Variants in HPSE2 observed in about 807,000 individuals in gnomAD.
HPSE2 encodes the protein heparanase 2 (inactive).
A neutral mutation model predicts 60.5 loss-of-function variants in HPSE2; 38 were observed. The observed-to-expected ratio is 0.63, with a 90% confidence interval of 0.48 to 0.82. The LOEUF (loss-of-function observed/expected upper bound fraction) is 0.82. Ranked by LOEUF, HPSE2 falls within the 40% of genes least tolerant of loss-of-function variation. The pLI, the probability that HPSE2 is intolerant of heterozygous loss-of-function variation, is 0.00. For synonymous variants in HPSE2, 295 were observed against 293.2 expected, an observed-to-expected ratio of 1.01 and a Z score of -0.06; for missense variants, 713 against 740.4, an observed-to-expected ratio of 0.96 and a Z score of 0.43.
At chr10:98,508,134 CA>C (rs1564927152) in intron 9 of HPSE2, among the ~76,000 whole-genome samples, 1 of 152,108 alleles carries the variant, frequency 6.6e-6, no homozygotes, top group Non-Finnish European at 1.5e-5. Flanking sequence ...GAGACACAGA[CA>C]GACATTCTTT....
chr10:98,609,818 G>A lies in HPSE2; in HGVS notation c.1320+5086C>T, dbSNP rs146473739. Among the ~76,000 whole-genome samples the A allele has an allele frequency of 6.3e-3, 944 of 150,186 alleles. 6 individuals carry two copies. Among genetic ancestry groups the A allele is most frequent in the African/African-American group, 0.022 (903 of 40,430 alleles). On this transcript the variant is annotated intron_variant, in intron 9 of 11. Coordinates refer to ENST00000370552, the MANE Select transcript of HPSE2 (RefSeq NM_021828.5). ...TGTTTCCTATGATGCCTTCTAATTA[G>A]GTGGTGTTCTTCTTCTTCTTCTTTT...
chr10:98,800,590 T>C (rs959481380), intron 3 of HPSE2, among the ~76,000 whole-genome samples: 1 of 151,450 alleles, frequency 6.6e-6, no homozygotes, highest in Non-Finnish European at 1.5e-5. Flanking sequence ...GTGGCTATCA[T>C]GAGGAACTAT....
intron 6 of HPSE2, among the ~76,000 whole-genome samples, chr10:98,677,316 C>T (rs147984955): frequency 2.6e-4 from 40 of 152,308 alleles, no homozygotes; most frequent in African/African-American, 9.1e-4. Flanking sequence ...ACAGAACCAT[C>T]TAGTTTCCTC....
chr10:98,650,698 A>G (rs967039575), intron 6 of HPSE2, among the ~76,000 whole-genome samples: 2 of 152,206 alleles, frequency 1.3e-5, no homozygotes, highest in Non-Finnish European at 2.9e-5. Flanking sequence ...GTGATTACTA[A>G]TGACCAAAAA....
At chr10:99,013,297 G>A in intron 3 of HPSE2, 1 of 622,288 alleles carries the variant, frequency 1.6e-6, no homozygotes, top group Non-Finnish European at 3.1e-6. Flanking sequence ...GCTTTTCTTA[G>A]GTCCTCATGT....
chr10:98,736,772 T>G (rs1159172973), intron 4 of HPSE2, among the ~76,000 whole-genome samples: 1 of 152,186 alleles, frequency 6.6e-6, no homozygotes, highest in Non-Finnish European at 1.5e-5. Flanking sequence ...AGACTAGAAT[T>G]TCTTTGTTCT....
At chr10:98,589,694 T>C (rs1945035624) in intron 9 of HPSE2, among the ~76,000 whole-genome samples, 1 of 152,218 alleles carries the variant, frequency 6.6e-6, no homozygotes, top group Non-Finnish European at 1.5e-5. Flanking sequence ...AGTCACATCA[T>C]ATGATCCATC....
chr10:98,594,519 T>C (rs1361620233), intron 9 of HPSE2, among the ~76,000 whole-genome samples: 1 of 152,132 alleles, frequency 6.6e-6, no homozygotes, highest in Non-Finnish European at 1.5e-5. Context: ...ACAATTTAAC[T>C]TATTATTTTC....
the HPSE2 span, among the ~76,000 whole-genome samples, chr10:99,257,806 G>A: frequency 6.6e-6 from 1 of 152,074 alleles, no homozygotes; most frequent in Non-Finnish European, 1.5e-5. Flanking sequence ...TTTGCGGCTT[G>A]TGGGGCATCA....
At chr10:98,704,306 C>G (rs1948488349) in intron 5 of HPSE2, among the ~76,000 whole-genome samples, 1 of 152,038 alleles carries the variant, frequency 6.6e-6, no homozygotes, top group African/African-American at 2.4e-5. Flanking sequence ...TAGGAAGAAT[C>G]AATACCGTGA....
chr10:99,062,813 C>G (rs1842491846), intron 3 of HPSE2, among the ~76,000 whole-genome samples: 1 of 152,158 alleles, frequency 6.6e-6, no homozygotes, highest in East Asian at 1.9e-4. Context: ...GTTACAAACA[C>G]CTCATATAAC....
intron 3 of HPSE2, among the ~76,000 whole-genome samples, chr10:99,141,839 G>A (rs1439049257): frequency 6.6e-6 from 1 of 152,168 alleles, no homozygotes; most frequent in Non-Finnish European, 1.5e-5. Flanking sequence ...TTTTTAACAT[G>A]CTTTTAACCA....
intron 7 of HPSE2, among the ~76,000 whole-genome samples, chr10:98,641,346 A>G (rs979061490): frequency 6.6e-6 from 1 of 152,124 alleles, no homozygotes; most frequent in African/African-American, 2.4e-5. Flanking sequence ...CAGCATTTTG[A>G]GAGGCTGAGG....
At chr10:99,076,876 T>C (rs1842966648) in intron 3 of HPSE2, among the ~76,000 whole-genome samples, 1 of 152,224 alleles carries the variant, frequency 6.6e-6, no homozygotes, top group Non-Finnish European at 1.5e-5. Flanking sequence ...CTCCCTTTAA[T>C]AAGTCTTTTA....
At chr10:98,655,147 C>T (rs898242044) in intron 6 of HPSE2, among the ~76,000 whole-genome samples, 2 of 152,124 alleles carry the variant, frequency 1.3e-5, no homozygotes, top group African/African-American at 2.4e-5. Flanking sequence ...TAGCTTTCCC[C>T]CTGTATGTAA....
At chr10:98,699,294 T>C (rs1359119351) in intron 5 of HPSE2, among the ~76,000 whole-genome samples, 2 of 151,638 alleles carry the variant, frequency 1.3e-5, no homozygotes, top group African/African-American at 4.8e-5. Context: ...TTATCCACCA[T>C]AATCAAGTGG....
intron 3 of HPSE2, among the ~76,000 whole-genome samples, chr10:98,923,220 A>T (rs1455474027): frequency 6.6e-6 from 1 of 152,078 alleles, no homozygotes; most frequent in East Asian, 1.9e-4. Flanking sequence ...ATCTCATGCC[A>T]CTCTCTCCTG....
chr10:98,817,268 C>T (rs1234898384), intron 3 of HPSE2, among the ~76,000 whole-genome samples: 2 of 151,934 alleles, frequency 1.3e-5, no homozygotes, highest in African/African-American at 4.8e-5. Context: ...AGTGATTGTC[C>T]CCTTTCTGAG....
the HPSE2 span, among the ~76,000 whole-genome samples, chr10:99,303,656 C>T: frequency 6.6e-6 from 1 of 152,126 alleles, no homozygotes; most frequent in Non-Finnish European, 1.5e-5. Context: ...GTCGCAGGCA[C>T]AAAAGGAGGA....
Sources: gnomAD v4.1 joint callset for allele counts (sites outside exome capture counted in the v4.1 genomes callset) on GRCh38, gnomAD v4.1.1 for gene constraint, MANE v1.5 for transcripts, NCBI Gene and HGNC (gene_info 2026-07-23, HGNC 2026-07-21) for gene names.